The following SUCLG1 variants were observed in gnomAD, a reference collection of about 807,000 sequenced individuals.
SUCLG1 encodes the protein succinate-CoA ligase GDP/ADP-forming subunit alpha, also known as succinate--CoA ligase [ADP/GDP-forming] subunit alpha, mitochondrial.
Under a neutral mutation model 37.3 loss-of-function variants are expected in SUCLG1, and 26 were observed. The ratio of observed to expected loss-of-function variants is 0.70; its 90% CI spans 0.51 to 0.97. The LOEUF is 0.97. Ranked by LOEUF, SUCLG1 falls within the 50% of genes least tolerant of loss-of-function variation. The pLI is 0.00. For missense variants in SUCLG1, 433 were observed against 432.9 expected (o/e 1.00, Z 0.00); for synonymous variants, 163 against 155.6 (o/e 1.05, Z -0.36).
intron 7 of SUCLG1, among the ~76,000 whole-genome samples, chr2:84,429,634 G>A (rs1325162307): frequency 6.6e-6 from 1 of 152,112 alleles, no homozygotes; most frequent in African/African-American, 2.4e-5. Flanking sequence ...TGGCATGTCA[G>A]ATGGAAAACT....
At chr2:84,431,436 A>T in intron 7 of SUCLG1, 72 bp downstream of exon 7, 1 of 1,595,790 alleles carries the variant, frequency 6.3e-7, no homozygotes, top group Non-Finnish European at 8.5e-7. Flanking sequence ...CTTTGAAAAA[A>T]TAAAAATAAC....
In SUCLG1 at chr2:84,449,740, C is replaced by G. The variant is rs369610897; in HGVS notation, c.110G>C (p.Gly37Ala). The G allele has an allele frequency of 2.7e-4, 389 of 1,456,924 alleles. No homozygotes were observed. The highest frequency in any genetic ancestry group is 2.6e-3 in the Middle Eastern group (12 of 4,608). The allele number at this position is 1,456,924 out of a possible 1,614,324, so 90.2% of individuals were successfully genotyped here. Reference protein sequence around the residue: ...LSRSFLLPQNGIRHCSYTASR... With the variant: ...LSRSFLLPQNAIRHCSYTASR... The stretch of plus-strand genomic sequence containing the variant: ...AGCTGTGTAGGAACAATGCCGAATT[C>G]CATTCTGCGGCACTAAGAGGTTAAA... Residue 37 changes from glycine to alanine, a missense_variant, in exon 2 of 9, where the codon GGA becomes GCA. Transcript: ENST00000393868.
chr2:84,441,767 C>T (rs1672777630), intron 3 of SUCLG1, among the ~76,000 whole-genome samples: 1 of 152,108 alleles, frequency 6.6e-6, no homozygotes, highest in East Asian at 1.9e-4. Flanking sequence ...ACATATCATC[C>T]ACAAATGATG....
intron 5 of SUCLG1, among the ~76,000 whole-genome samples, chr2:84,435,287 C>T (rs1202086711): frequency 1.3e-5 from 2 of 152,168 alleles, no homozygotes; most frequent in African/African-American, 4.8e-5. Context: ...CCTGATCACC[C>T]CCAAAGAGAA....
chr2:84,449,820 A>G, intron 1 of SUCLG1, 68 bp from the exon 2 acceptor site: 7 of 1,291,088 alleles, frequency 5.4e-6, no homozygotes, highest in Non-Finnish European at 7.6e-6. Context: ...CTTTTGAACA[A>G]TAATTCAACT....
intron 1 of SUCLG1, 134 bp downstream of exon 1, chr2:84,459,039 C>A: frequency 2.2e-6 from 2 of 900,146 alleles, no homozygotes; most frequent in Non-Finnish European, 3.3e-6. Flanking sequence ...GACTCGAAGC[C>A]GGAATCCCAA....
At chr2:84,429,774 C>G (rs1672589533) in intron 7 of SUCLG1, among the ~76,000 whole-genome samples, 1 of 152,096 alleles carries the variant, frequency 6.6e-6, no homozygotes, top group Non-Finnish European at 1.5e-5. Flanking sequence ...ACAAACAGCA[C>G]CAATACCCAT....
intron 7 of SUCLG1, among the ~76,000 whole-genome samples, chr2:84,429,545 A>G (rs1672584537): frequency 6.6e-6 from 1 of 152,170 alleles, no homozygotes; most frequent in South Asian, 2.1e-4. Context: ...CCTGCAGTCC[A>G]TAACACAGTC....
At chr2:84,433,313 C>A (rs780663325) in intron 6 of SUCLG1, 39 bp downstream of exon 6, 5 of 1,537,884 alleles carry the variant, frequency 3.3e-6, no homozygotes, top group Admixed American at 1.7e-5. Context: ...AATGAAGACA[C>A]CACACTCCAA....
rs1672612031 is a variant in SUCLG1 at position 84,431,434 on chromosome 2, A to G, written c.825+74T>C. ...TTTCTCAAAAAATTCACCTTTGAAAAAATAAAAATAACTTCTGAAACAAGC... is the reference window on the plus strand; with the variant it reads ...TTTCTCAAAAAATTCACCTTTGAAAGAATAAAAATAACTTCTGAAACAAGC... On this transcript the variant is annotated intron_variant, in intron 7 of 8. Transcript: ENST00000393868. 1.9e-6 allele frequency: 3 copies of G among 1,593,654 alleles called. No individual in the cohort carries two copies. The African/African-American group carries it at 4.1e-5, about 22-fold the overall frequency.
intron 1 of SUCLG1, among the ~76,000 whole-genome samples, chr2:84,457,340 T>C (rs1673038170): frequency 6.6e-6 from 1 of 152,186 alleles, no homozygotes; most frequent in Non-Finnish European, 1.5e-5. Flanking sequence ...TAATATAGAA[T>C]ACATCTTGGT....
rs1424560152 is a variant in SUCLG1, at chr2:84,431,656, A to C, written c.677T>G (p.Ile226Ser). ...VGLGQSLCVGIGGDPFNGTDF... is the reference protein window; with the variant it reads ...VGLGQSLCVGSGGDPFNGTDF... ...TGTTCCATTAAAAGGATCACCTCCA[A>C]TGCCTGAAAAAGTTGAAAAATATCA... Residue 226 changes from isoleucine to serine, a missense_variant, in exon 7 of 9, where the codon ATT becomes AGT. Ile to Ser is a moderately radical substitution (Grantham distance 142). Transcript: ENST00000393868. 1.2e-6 allele frequency: 2 copies of C among 1,613,826 alleles called. No homozygotes were observed. Among genetic ancestry groups the C allele is most frequent in the African/African-American group, 2.7e-5 (2 of 74,928 alleles).
chr2:84,440,497 TAA>T (rs1314991041), intron 5 of SUCLG1, among the ~76,000 whole-genome samples: 1 of 152,236 alleles, frequency 6.6e-6, no homozygotes, highest in Non-Finnish European at 1.5e-5. Context: ...CAGTTTCTTA[TAA>T]AGTTAAATAT....
At chr2:84,429,584 C>CT (rs1672586601) in intron 7 of SUCLG1, among the ~76,000 whole-genome samples, 1 of 152,064 alleles carries the variant, frequency 6.6e-6, no homozygotes, top group South Asian at 2.1e-4. Context: ...CTAAGCATTC[C>CT]TTGCAGAAGG....
intron 1 of SUCLG1, 95 bp downstream of exon 1, chr2:84,459,078 G>A (rs1673100792): frequency 3.0e-6 from 4 of 1,315,298 alleles, no homozygotes; most frequent in African/African-American, 1.5e-5. Context: ...CCGAGGTCCA[G>A]CCCTGAGGGC....
chr2:84,441,713 A>G (rs1362424059), intron 3 of SUCLG1, among the ~76,000 whole-genome samples: 1 of 152,174 alleles, frequency 6.6e-6, no homozygotes, highest in Non-Finnish European at 1.5e-5. Flanking sequence ...GCATGTCAGT[A>G]AATCTGAAAG....
chr2:84,457,971 T>G (rs891536736), intron 1 of SUCLG1, among the ~76,000 whole-genome samples: 3 of 152,064 alleles, frequency 2.0e-5, no homozygotes, highest in Non-Finnish European at 4.4e-5. Context: ...CACTCATCAA[T>G]GTACACTTTC....
intron 1 of SUCLG1, among the ~76,000 whole-genome samples, chr2:84,458,939 C>T (rs1307544237): frequency 6.6e-6 from 1 of 152,226 alleles, no homozygotes; most frequent in Non-Finnish European, 1.5e-5. Flanking sequence ...AATCCTGGCT[C>T]AGCCACCCAA....
chr2:84,442,211 T>C (rs1389749346), intron 3 of SUCLG1, among the ~76,000 whole-genome samples: 1 of 148,196 alleles, frequency 6.7e-6, no homozygotes, highest in Non-Finnish European at 1.5e-5. Context: ...AAAAGAAAAG[T>C]CAACCTAGAG....
Sources: gnomAD v4.1 joint callset for allele counts (sites outside exome capture counted in the v4.1 genomes callset) on GRCh38, gnomAD v4.1.1 for gene constraint, MANE v1.5 for transcripts, NCBI Gene and HGNC (gene_info 2026-07-23, HGNC 2026-07-21) for gene names.